The following SLC27A6 variants were observed in gnomAD, a reference collection of about 807,000 sequenced individuals.
SLC27A6 encodes long-chain fatty acid transport protein 6.
A neutral mutation model predicts 63.9 loss-of-function variants in SLC27A6; 74 were observed. The ratio of observed to expected loss-of-function variants is 1.16; its 90% CI spans 0.96 to 1.40. SLC27A6 has a LOEUF of 1.40. Ranked by LOEUF, SLC27A6 falls within the 40% of genes most tolerant of loss-of-function variation. SLC27A6 has a pLI of 0.00. For synonymous variants in SLC27A6, 287 were observed against 260.8 expected (o/e 1.10, Z -0.97); for missense variants, 794 against 732.9 (o/e 1.08, Z -0.96).
intron 1 of SLC27A6, among the ~76,000 whole-genome samples, chr5:128,975,743 A>C (rs1264845168): frequency 6.6e-6 from 1 of 152,182 alleles, no homozygotes; most frequent in East Asian, 1.9e-4. Flanking sequence ...TGTATTTCTC[A>C]CATTCAGACT....
intron 1 of SLC27A6, among the ~76,000 whole-genome samples, chr5:128,977,212 T>A (rs1277484424): frequency 1.3e-5 from 2 of 152,224 alleles, no homozygotes; most frequent in East Asian, 3.8e-4. Context: ...AATAAATACT[T>A]GTTGAATATC....
intron 2 of SLC27A6, among the ~76,000 whole-genome samples, chr5:128,985,889 T>C (rs1005193882): frequency 1.8e-4 from 28 of 152,206 alleles, no homozygotes; most frequent in African/African-American, 6.5e-4. Flanking sequence ...GTCAGGGTAA[T>C]TGAATCATGT....
chr5:129,016,535 CAG>C (rs1227077120), intron 5 of SLC27A6, among the ~76,000 whole-genome samples: 1 of 149,364 alleles, frequency 6.7e-6, no homozygotes, highest in Non-Finnish European at 1.5e-5. Flanking sequence ...GTAGTGGCCT[CAG>C]TGTGAGAGAC....
At chr5:128,982,896 G>A (rs257999) in intron 1 of SLC27A6, among the ~76,000 whole-genome samples, 110,198 of 152,118 alleles carry the variant, frequency 0.72, 39,937 homozygotes, top group East Asian at 0.88. Context: ...ACTTTCCACC[G>A]CATATCAACT....
intron 1 of SLC27A6, among the ~76,000 whole-genome samples, chr5:128,968,634 T>C (rs1750006927): frequency 6.6e-6 from 1 of 152,230 alleles, no homozygotes; most frequent in African/African-American, 2.4e-5. Flanking sequence ...TGTAAATTTC[T>C]TTAAGTTCTT....
chr5:129,011,264 A>C (rs780528972), intron 4 of SLC27A6, among the ~76,000 whole-genome samples: 1 of 152,218 alleles, frequency 6.6e-6, no homozygotes, highest in Non-Finnish European at 1.5e-5. Flanking sequence ...CCCATGGTCT[A>C]TGACAGTCCC....
At chr5:128,997,767 A>G (rs774563728) in intron 4 of SLC27A6, among the ~76,000 whole-genome samples, 5 of 152,160 alleles carry the variant, frequency 3.3e-5, no homozygotes, top group African/African-American at 7.2e-5. Context: ...AAACCATCTG[A>G]TAGTGCATTG....
intron 2 of SLC27A6, among the ~76,000 whole-genome samples, chr5:128,986,674 T>G (rs534327937): frequency 6.6e-6 from 1 of 152,216 alleles, no homozygotes; most frequent in African/African-American, 2.4e-5. Context: ...TTTCTCAGAT[T>G]GTTCAGGCTA....
chr5:128,977,128 T>C (rs1247372933), intron 1 of SLC27A6, among the ~76,000 whole-genome samples: 1 of 152,188 alleles, frequency 6.6e-6, no homozygotes, highest in African/African-American at 2.4e-5. Flanking sequence ...ATATGCGAAG[T>C]AAATTAAAAG....
intron 4 of SLC27A6, among the ~76,000 whole-genome samples, chr5:129,011,436 T>C (rs749165804): frequency 2.6e-5 from 4 of 152,236 alleles, no homozygotes; most frequent in Non-Finnish European, 4.4e-5. Context: ...ACTTACTGGA[T>C]GCTTGGAGGT....
At chr5:129,018,829 C>A (rs957174660) in intron 5 of SLC27A6, among the ~76,000 whole-genome samples, 1 of 152,076 alleles carries the variant, frequency 6.6e-6, no homozygotes, top group African/African-American at 2.4e-5. Flanking sequence ...CTCTGATTTT[C>A]AACTCATTTT....
intron 1 of SLC27A6, among the ~76,000 whole-genome samples, chr5:128,969,171 G>A (rs1240739313): frequency 3.3e-5 from 5 of 152,194 alleles, no homozygotes; most frequent in Non-Finnish European, 5.9e-5. Flanking sequence ...CTGTAGCCCT[G>A]TAGTATAGTT....
At chr5:128,987,905 T>A (rs890883822) in intron 2 of SLC27A6, among the ~76,000 whole-genome samples, 1 of 152,206 alleles carries the variant, frequency 6.6e-6, no homozygotes, top group East Asian at 1.9e-4. Flanking sequence ...TATCTAGAAC[T>A]ATAAGACCTG....
rs1752272702 is a variant in SLC27A6 at position 129,027,187 on chromosome 5, A to G, written c.1310A>G (p.Tyr437Cys). 1.2e-6 allele frequency: 2 copies of G among 1,613,552 alleles called. No individual in the cohort carries two copies. The highest frequency in any genetic ancestry group is 1.7e-5 in the Admixed American group (1 of 59,980). The part of the protein sequence containing the change: ...RVNAKNPFFG[Y>C]AGPYKHTKDK... ...AATGCAAAAAATCCCTTCTTTGGCT[A>G]TGCTGGGCCTTATAAGCACACAAAA... The change falls in exon 7 of 10, where the codon TAT becomes TGT. Residue 437 changes from tyrosine (Y) to cysteine (C), a missense_variant. Physicochemically the swap from Tyr to Cys is radical, Grantham distance 194. Coordinates refer to ENST00000262462, the MANE Select transcript of SLC27A6 (RefSeq NM_001017372.3).
Position 129,033,218 on chromosome 5 carries a change from A to C in SLC27A6, c.1796A>C (p.Lys599Thr), listed in dbSNP as rs563114034. Reference sequence around the variant, plus strand: ...CTTTACTTCATGGATAACTTGAAAAAGTCTTATGTTCTACTGACCAGGGAA... The same window carrying C: ...CTTTACTTCATGGATAACTTGAAAACGTCTTATGTTCTACTGACCAGGGAA... ...EPLYFMDNLKKSYVLLTRELY... is the reference protein window; with the variant it reads ...EPLYFMDNLKTSYVLLTRELY... The change falls in exon 10 of 10, where the codon AAG becomes ACG. Residue 599 changes from lysine (K) to threonine (T), a missense_variant. By Grantham distance (78) the Lys-to-Thr change is moderately conservative (BLOSUM62 -1). Transcript: ENST00000262462. The C allele has an allele frequency of 1.0e-4, 162 of 1,600,948 alleles. No homozygotes were observed. The South Asian group carries it at 1.7e-3, about 16-fold the overall frequency.
At chr5:128,970,424 C>T (rs1254340967) in intron 1 of SLC27A6, among the ~76,000 whole-genome samples, 1 of 152,144 alleles carries the variant, frequency 6.6e-6, no homozygotes, top group East Asian at 1.9e-4. Context: ...TAATTATTGC[C>T]TCAATTTCAG....
At chr5:128,999,082 A>T (rs1751250545) in intron 4 of SLC27A6, among the ~76,000 whole-genome samples, 1 of 152,134 alleles carries the variant, frequency 6.6e-6, no homozygotes, top group South Asian at 2.1e-4. Flanking sequence ...ATCTTGGGCT[A>T]GTTCTTGTTC....
intron 1 of SLC27A6, among the ~76,000 whole-genome samples, chr5:128,974,722 G>A (rs1275781159): frequency 6.6e-6 from 1 of 152,164 alleles, no homozygotes; most frequent in African/African-American, 2.4e-5. Context: ...CAAATTCCAT[G>A]TATGGTCTGC....
chr5:129,029,619 C>G lies in SLC27A6; in HGVS notation c.1595C>G (p.Pro532Arg). 6.3e-7 allele frequency: 1 copy of G among 1,596,352 alleles called. No individual in the cohort carries two copies. Among genetic ancestry groups the G allele is most frequent in the Non-Finnish European group, 8.5e-7 (1 of 1,171,682 alleles). ...RAGMASIILK[P>R]NTSLDLEKVY... The stretch of plus-strand genomic sequence containing the variant: ...GGAATGGCTTCTATTATTTTAAAAC[C>G]AAATACATCTTTAGATTTGGAAAAA... Residue 532 changes from proline (P) to arginine (R), a missense_variant, in exon 9 of 10, where the codon CCA (proline) becomes CGA (arginine). Transcript: ENST00000262462.
Sources: allele counts gnomAD v4.1 joint callset (sites outside exome capture counted in the v4.1 genomes callset), GRCh38; gene constraint gnomAD v4.1.1; transcripts MANE v1.5; gene names NCBI Gene and HGNC (gene_info 2026-07-23, HGNC 2026-07-21).